PODXL2: variants seen among roughly 807,000 people sequenced by gnomAD.
PODXL2 encodes the protein podocalyxin-like protein 2.
Under a neutral mutation model 53.4 loss-of-function variants are expected in PODXL2, and 17 were observed. That is an observed-to-expected ratio of 0.32 (90% CI 0.22 to 0.48). The LOEUF (loss-of-function observed/expected upper bound fraction) is 0.48. PODXL2 is among the 20% of genes least tolerant of loss of function. PODXL2 has a pLI of 0.99. For synonymous variants in PODXL2, 311 were observed against 306.7 expected (o/e 1.01, Z -0.15); for missense variants, 673 against 760.0 (o/e 0.89, Z 1.35).
chr3:127,642,102 C>T (rs2074624681), intron 2 of PODXL2, among the ~76,000 whole-genome samples: 1 of 151,704 alleles, frequency 6.6e-6, no homozygotes, highest in Non-Finnish European at 1.5e-5. Flanking sequence ...CCAGCCTGGC[C>T]AACATGGTGT....
At chr3:127,664,559 T>A (rs973017664) in intron 4 of PODXL2, among the ~76,000 whole-genome samples, 3 of 152,104 alleles carry the variant, frequency 2.0e-5, no homozygotes, top group African/African-American at 7.2e-5. Flanking sequence ...CTATTTTAAA[T>A]TTTTTTGAGG....
At chr3:127,637,318 A>T (rs1313697039) in intron 1 of PODXL2, among the ~76,000 whole-genome samples, 6 of 152,218 alleles carry the variant, frequency 3.9e-5, no homozygotes, top group African/African-American at 1.4e-4. Flanking sequence ...TGATATTCTT[A>T]TTCACATCAA....
At chr3:127,654,801 G>C (rs1002158634) in intron 2 of PODXL2, among the ~76,000 whole-genome samples, 1 of 152,070 alleles carries the variant, frequency 6.6e-6, no homozygotes, top group South Asian at 2.1e-4. Flanking sequence ...AATGGCAGGC[G>C]GATGGCCAGG....
At chr3:127,655,105 G>C (rs1197590116) in intron 2 of PODXL2, among the ~76,000 whole-genome samples, 2 of 151,992 alleles carry the variant, frequency 1.3e-5, no homozygotes, top group African/African-American at 4.8e-5. Context: ...ACCACACCTG[G>C]CTGATTTTTG....
chr3:127,631,262 C>G (rs1281769842), intron 1 of PODXL2, among the ~76,000 whole-genome samples: 1 of 152,090 alleles, frequency 6.6e-6, no homozygotes, highest in Non-Finnish European at 1.5e-5. Flanking sequence ...CTGCCAAGAG[C>G]TTAGGGAGAC....
chr3:127,638,713 TC>T (rs1457278723), intron 1 of PODXL2, among the ~76,000 whole-genome samples: 1 of 151,774 alleles, frequency 6.6e-6, no homozygotes, highest in East Asian at 1.9e-4. Flanking sequence ...AGACTCCATC[TC>T]AAAAAAAATA....
intron 2 of PODXL2, among the ~76,000 whole-genome samples, chr3:127,654,903 C>A (rs547654896): frequency 6.6e-6 from 1 of 152,252 alleles, no homozygotes; most frequent in East Asian, 1.9e-4. Context: ...GCCTTGCCAA[C>A]ATGGCAAAAC....
At chr3:127,643,263 T>C (rs1033689441) in intron 2 of PODXL2, among the ~76,000 whole-genome samples, 1 of 152,136 alleles carries the variant, frequency 6.6e-6, no homozygotes, top group African/African-American at 2.4e-5. Flanking sequence ...CAGGCTGGAG[T>C]GCAATGGTGT....
chr3:127,646,862 G>A (rs1286891641), intron 2 of PODXL2, among the ~76,000 whole-genome samples: 2 of 152,224 alleles, frequency 1.3e-5, no homozygotes, highest in Non-Finnish European at 2.9e-5. Flanking sequence ...GTATCCCTGA[G>A]CACTGATGCC....
intron 2 of PODXL2, among the ~76,000 whole-genome samples, chr3:127,651,359 T>C (rs2074687926): frequency 6.6e-6 from 1 of 152,186 alleles, no homozygotes; most frequent in Non-Finnish European, 1.5e-5. Context: ...TTACAGTTGT[T>C]TAGCCCCAGG....
chr3:127,643,407 A>G (rs2074633637), intron 2 of PODXL2, among the ~76,000 whole-genome samples: 1 of 151,638 alleles, frequency 6.6e-6, no homozygotes. Flanking sequence ...ATGGGATTTC[A>G]CTATGTTGGC....
chr3:127,640,962 G>C (rs948359727), intron 2 of PODXL2, among the ~76,000 whole-genome samples: 1 of 152,132 alleles, frequency 6.6e-6, no homozygotes, highest in African/African-American at 2.4e-5. Flanking sequence ...ACCTGGGCTA[G>C]AGTGCAGTGG....
chr3:127,658,303 G>T (rs1356324826), intron 2 of PODXL2, among the ~76,000 whole-genome samples: 1 of 151,468 alleles, frequency 6.6e-6, no homozygotes, highest in Non-Finnish European at 1.5e-5. Context: ...AGCTCTCTCT[G>T]TGTGTTCTAA....
At chr3:127,644,646 C>T (rs1279142025) in intron 2 of PODXL2, among the ~76,000 whole-genome samples, 1 of 152,206 alleles carries the variant, frequency 6.6e-6, no homozygotes, top group African/African-American at 2.4e-5. Flanking sequence ...CTCTTCCTCT[C>T]CCATTTCCTT....
chr3:127,660,760 G>C lies in PODXL2; in HGVS notation c.732G>C (p.Leu244=), dbSNP rs1301841646. 6.2e-7 allele frequency: 1 copy of C among 1,614,184 alleles called. No homozygotes were observed. Among genetic ancestry groups the C allele is most frequent in the Admixed American group, 1.7e-5 (1 of 60,024 alleles). ...AGAGCAGCATGGGGCCCAGCTTGCT[G>C]CTGCCTTCAGTCACCCCAACTACAG... is the stretch of plus-strand genomic sequence containing the variant. The part of the protein sequence containing the change: ...EVESSMGPSL[L]LPSVTPTTVT... Residue 244 remains leucine (L), a synonymous_variant, in exon 3 of 8, where the codon CTG becomes CTC. Coordinates refer to ENST00000342480, the MANE Select transcript of PODXL2 (RefSeq NM_015720.4).
intron 2 of PODXL2, among the ~76,000 whole-genome samples, chr3:127,650,773 C>T (rs2107708810): frequency 6.6e-6 from 1 of 152,250 alleles, no homozygotes; most frequent in Non-Finnish European, 1.5e-5. Context: ...TCTCCTGCCT[C>T]AGCCTCCTGA....
chr3:127,661,978 T>C (rs953936935), intron 3 of PODXL2, among the ~76,000 whole-genome samples: 5 of 152,190 alleles, frequency 3.3e-5, no homozygotes, highest in Non-Finnish European at 7.3e-5. Flanking sequence ...GCCCCTTTGA[T>C]ATAGTCCCCT....
At position 127,671,419 on chromosome 3, in the gene PODXL2, C is replaced by A. The variant is rs775563904; in HGVS notation, c.1426-15C>A. The A allele has an allele frequency of 6.2e-7, 1 of 1,611,568 alleles. No individual in the cohort carries two copies. Among genetic ancestry groups the A allele is most frequent in the Non-Finnish European group, 8.5e-7 (1 of 1,177,976 alleles). ...CAGGACCTCAGCTGAGGAAACTGGC[C>A]CCTCCCACCCCTAGATTGGCATCCA... On this transcript the variant is annotated splice_polypyrimidine_tract_variant and intron_variant, in intron 6 of 7. Transcript: ENST00000342480.
chr3:127,656,948 G>A (rs2074728785), intron 2 of PODXL2, among the ~76,000 whole-genome samples: 1 of 151,696 alleles, frequency 6.6e-6, no homozygotes, highest in Admixed American at 6.6e-5. Context: ...GGCCGAGGTG[G>A]GAGGATCACT....
Sources: gnomAD v4.1 joint callset for allele counts (sites outside exome capture counted in the v4.1 genomes callset) on GRCh38, gnomAD v4.1.1 for gene constraint, MANE v1.5 for transcripts, NCBI Gene and HGNC (gene_info 2026-07-23, HGNC 2026-07-21) for gene names.